The following KIAA1217 variants were observed in gnomAD, a reference collection of about 807,000 sequenced individuals.
The protein encoded by KIAA1217 is sickle tail protein homolog.
KIAA1217 carries 88 observed loss-of-function variants against 163.9 expected under a neutral mutation model. The ratio of observed to expected loss-of-function variants is 0.54; its 90% CI spans 0.45 to 0.64. KIAA1217 has a LOEUF of 0.64. Ranked by LOEUF, KIAA1217 falls within the 30% of genes least tolerant of loss-of-function variation. KIAA1217 has a pLI of 0.00. For synonymous variants in KIAA1217, 903 were observed against 923.1 expected (o/e 0.98, Z 0.39); for missense variants, 2,372 against 2,475.0 (o/e 0.96, Z 0.88).
Position 24,543,650 on chromosome 10 carries a change from T to TTCAACTA in KIAA1217, c.4383_4389dup (p.Phe1464AsnfsTer4). On this transcript the variant is annotated frameshift_variant, in exon 19 of 21. Transcript: ENST00000376454. LOFTEE classifies it high-confidence loss of function. ...ACATCCGGTCTGCCTATAAGAGACT[T>TTCAACTA]TCAACTATCTTTGAGGAATGTGATG... 1 of 1,614,050 alleles carries TTCAACTA rather than the reference T, an allele frequency of 6.2e-7. No homozygotes were observed. Among genetic ancestry groups the TTCAACTA allele is most frequent in the Non-Finnish European group, 8.5e-7 (1 of 1,180,002 alleles).
intron 1 of KIAA1217, among the ~76,000 whole-genome samples, chr10:23,897,892 G>A (rs903671398): frequency 6.6e-6 from 1 of 151,890 alleles, no homozygotes; most frequent in African/African-American, 2.4e-5. Context: ...AATCTGATAT[G>A]GCATTACATT....
chr10:23,948,146 G>A (rs1844147095), intron 1 of KIAA1217, among the ~76,000 whole-genome samples: 1 of 152,138 alleles, frequency 6.6e-6, no homozygotes, highest in Non-Finnish European at 1.5e-5. Context: ...TCTGTTAGTA[G>A]GTAAGGGCAT....
At chr10:24,120,054 G>A (rs774054178) in intron 2 of KIAA1217, among the ~76,000 whole-genome samples, 16 of 152,172 alleles carry the variant, frequency 1.1e-4, no homozygotes, top group Non-Finnish European at 2.4e-4. Context: ...CAAGAAACAT[G>A]ATTCCTATGC....
At chr10:24,248,044 C>G (rs545291576) in intron 2 of KIAA1217, among the ~76,000 whole-genome samples, 2 of 152,316 alleles carry the variant, frequency 1.3e-5, no homozygotes, top group South Asian at 4.1e-4. Context: ...ACCTTCATCT[C>G]ACACACCTAC....
chr10:23,978,313 G>A (rs1254074097), intron 1 of KIAA1217, among the ~76,000 whole-genome samples: 5 of 152,198 alleles, frequency 3.3e-5, no homozygotes, highest in African/African-American at 4.8e-5. Flanking sequence ...CCTCCTCGAG[G>A]AAGGAAGAAC....
intron 1 of KIAA1217, among the ~76,000 whole-genome samples, chr10:23,865,577 A>G (rs1240519094): frequency 6.6e-6 from 1 of 151,904 alleles, no homozygotes; most frequent in Non-Finnish European, 1.5e-5. Flanking sequence ...TTTTTCTTAA[A>G]CTTCCTTTTA....
intron 2 of KIAA1217, among the ~76,000 whole-genome samples, chr10:24,250,894 G>A (rs982625099): frequency 1.5e-4 from 23 of 151,354 alleles, no homozygotes; most frequent in African/African-American, 5.3e-4. Flanking sequence ...TCTGAGATCA[G>A]CCTGAGCAAC....
intron 2 of KIAA1217, chr10:24,255,346 G>A (rs554269083): frequency 2.8e-5 from 8 of 285,728 alleles, no homozygotes; most frequent in African/African-American, 5.2e-5. Context: ...AATCCTGAGC[G>A]GCTGACTGTC....
chr10:23,703,270 T>G (rs950159695), intron 1 of KIAA1217, among the ~76,000 whole-genome samples: 68 of 151,940 alleles, frequency 4.5e-4, no homozygotes, highest in African/African-American at 1.5e-3. Flanking sequence ...GTGGGAGTGG[T>G]GGAGGGAGGA....
intron 2 of KIAA1217, among the ~76,000 whole-genome samples, chr10:24,193,647 G>A (rs959539428): frequency 6.6e-6 from 1 of 152,172 alleles, no homozygotes; most frequent in Non-Finnish European, 1.5e-5. Context: ...GGAAATAAAC[G>A]AGCTGCGCCA....
intron 1 of KIAA1217, among the ~76,000 whole-genome samples, chr10:23,905,837 T>C (rs571889928): frequency 6.6e-6 from 1 of 152,194 alleles, no homozygotes; most frequent in Non-Finnish European, 1.5e-5. Context: ...TAGGGAAGTG[T>C]GTGCACACAA....
chr10:24,440,630 T>C (rs1029600467), intron 5 of KIAA1217, among the ~76,000 whole-genome samples: 3 of 152,074 alleles, frequency 2.0e-5, no homozygotes, highest in African/African-American at 7.2e-5. Flanking sequence ...TTCTGCAGAG[T>C]GGTTCTGTTC....
At chr10:24,050,591 G>T (rs1356310274) in intron 2 of KIAA1217, among the ~76,000 whole-genome samples, 1 of 152,068 alleles carries the variant, frequency 6.6e-6, no homozygotes, top group Non-Finnish European at 1.5e-5. Flanking sequence ...TTTGTGTCAG[G>T]TTTGTCAAAG....
At chr10:23,914,507 G>T (rs1405495650) in intron 1 of KIAA1217, among the ~76,000 whole-genome samples, 1 of 151,974 alleles carries the variant, frequency 6.6e-6, no homozygotes, top group Non-Finnish European at 1.5e-5. Flanking sequence ...AGAGATAGGG[G>T]TCTTGCTGTG....
intron 2 of KIAA1217, among the ~76,000 whole-genome samples, chr10:24,015,032 T>C (rs990481619): frequency 6.6e-6 from 1 of 152,130 alleles, no homozygotes; most frequent in Admixed American, 6.6e-5. Context: ...AAAAAGCATG[T>C]AGTTATCAAA....
chr10:24,417,027 T>C (rs1240144836), intron 3 of KIAA1217, among the ~76,000 whole-genome samples: 2 of 152,168 alleles, frequency 1.3e-5, no homozygotes, highest in Non-Finnish European at 2.9e-5. Flanking sequence ...TTAGGGAAGC[T>C]GATCATTTCT....
chr10:24,213,499 C>G (rs1268702374), intron 1 of KIAA1217, among the ~76,000 whole-genome samples: 1 of 152,148 alleles, frequency 6.6e-6, no homozygotes, highest in Non-Finnish European at 1.5e-5. Flanking sequence ...GTCTCTGTAC[C>G]CTTATCCCGT....
intron 1 of KIAA1217, 28 bp from the exon 2 acceptor site, chr10:24,219,598 T>C: frequency 2.6e-6 from 4 of 1,546,796 alleles, no homozygotes; most frequent in East Asian, 4.5e-5. Context: ...AAATCATTAA[T>C]TGTGAACCGA....
At chr10:24,342,485 G>T (rs2047210672) in intron 2 of KIAA1217, among the ~76,000 whole-genome samples, 1 of 151,904 alleles carries the variant, frequency 6.6e-6, no homozygotes, top group African/African-American at 2.4e-5. Context: ...TTCATTTTTT[G>T]TTAGATCCTT....
Sources: allele counts gnomAD v4.1 joint callset (sites outside exome capture counted in the v4.1 genomes callset), GRCh38; gene constraint gnomAD v4.1.1; transcripts MANE v1.5; gene names NCBI Gene and HGNC (gene_info 2026-07-23, HGNC 2026-07-21).